Variants in DTNA observed in about 807,000 individuals in gnomAD.
The protein encoded by DTNA is dystrobrevin alpha, also known as dystrophin-related protein 3.
Under a neutral mutation model 100.7 loss-of-function variants are expected in DTNA, and 43 were observed. The ratio of observed to expected loss-of-function variants is 0.43; its 90% CI spans 0.33 to 0.55. The LOEUF (loss-of-function observed/expected upper bound fraction) is 0.55. Ranked by LOEUF, DTNA falls within the 20% of genes least tolerant of loss-of-function variation. The pLI is 0.04. For missense variants in DTNA, 798 were observed against 953.9 expected, an observed-to-expected ratio of 0.84 and a Z score of 2.15; for synonymous variants, 349 against 347.9, an observed-to-expected ratio of 1.00 and a Z score of -0.04.
intron 1 of DTNA, among the ~76,000 whole-genome samples, chr18:34,524,530 G>A (rs1451871055): frequency 6.6e-6 from 1 of 152,042 alleles, no homozygotes; most frequent in Non-Finnish European, 1.5e-5. Context: ...AACTTGGTAG[G>A]ATATCATCTG....
chr18:34,870,271 T>C (rs1460053982), intron 17 of DTNA, among the ~76,000 whole-genome samples: 5 of 152,230 alleles, frequency 3.3e-5, no homozygotes, highest in Admixed American at 2.6e-4. Flanking sequence ...TGTTTATAAC[T>C]GGATGGTCCA....
intron 3 of DTNA, among the ~76,000 whole-genome samples, chr18:34,790,158 A>G (rs572372635): frequency 9.2e-5 from 14 of 152,240 alleles, no homozygotes; most frequent in African/African-American, 2.6e-4. Context: ...CCAAGTTCCT[A>G]TGTGTAAGGA....
intron 1 of DTNA, among the ~76,000 whole-genome samples, chr18:34,723,876 G>A (rs2085954675): frequency 6.6e-6 from 1 of 151,832 alleles, no homozygotes; most frequent in South Asian, 2.1e-4. Flanking sequence ...TCCAGCCTAG[G>A]CAACAAGAGC....
chr18:34,587,353 A>C (rs1355329825), intron 1 of DTNA, among the ~76,000 whole-genome samples: 1 of 151,012 alleles, frequency 6.6e-6, no homozygotes, highest in African/African-American at 2.5e-5. Context: ...ACACTCCTGA[A>C]AAAATATGTT....
intron 1 of DTNA, among the ~76,000 whole-genome samples, chr18:34,719,722 C>T (rs542142076): frequency 1.8e-4 from 27 of 152,284 alleles, no homozygotes; most frequent in Non-Finnish European, 3.8e-4. Flanking sequence ...GAAATAGTAA[C>T]AAGATTTTTA....
intron 1 of DTNA, among the ~76,000 whole-genome samples, chr18:34,618,467 G>A (rs1308230746): frequency 6.6e-6 from 1 of 152,078 alleles, no homozygotes; most frequent in African/African-American, 2.4e-5. Context: ...CAAGCAAATG[G>A]AAGCATGTCC....
At chr18:34,762,265 A>C (rs1458780143) in intron 2 of DTNA, among the ~76,000 whole-genome samples, 1 of 152,214 alleles carries the variant, frequency 6.6e-6, no homozygotes, top group Non-Finnish European at 1.5e-5. Context: ...AATTTCAGCA[A>C]GATATTGACC....
chr18:34,553,497 G>T (rs2045682609), intron 1 of DTNA, among the ~76,000 whole-genome samples: 1 of 151,842 alleles, frequency 6.6e-6, no homozygotes, highest in South Asian at 2.1e-4. Context: ...TTCTTCTAGG[G>T]TTTTTATGGT....
At chr18:34,879,842 T>C (rs934728810) in intron 20 of DTNA, 123 bp downstream of exon 20, 2 of 1,263,754 alleles carry the variant, frequency 1.6e-6, no homozygotes, top group African/African-American at 1.5e-5. Context: ...CATAGTTTTC[T>C]GTTCTGCCAG....
chr18:34,706,900 A>C (rs564271595), upstream of DTNA, among the ~76,000 whole-genome samples: 3 of 152,270 alleles, frequency 2.0e-5, no homozygotes, highest in South Asian at 6.2e-4. Context: ...TGCTTGCAAA[A>C]ATTGTTCAGT....
At chr18:34,608,604 G>T (rs2147419914) in intron 1 of DTNA, among the ~76,000 whole-genome samples, 1 of 151,450 alleles carries the variant, frequency 6.6e-6, no homozygotes, top group East Asian at 1.9e-4. Flanking sequence ...ATGCCTCATG[G>T]GACTTATGAA....
At chr18:34,572,322 A>G (rs965953535) in intron 1 of DTNA, among the ~76,000 whole-genome samples, 1 of 152,252 alleles carries the variant, frequency 6.6e-6, no homozygotes, top group East Asian at 1.9e-4. Flanking sequence ...TGTGTATTAA[A>G]TGAGAATACT....
rs555793374 is a variant in DTNA at position 34,654,853 on chromosome 18, AGT to A, written c.-1-101122_-1-101121del. ...GCGATTCTCCTGCCTCAGCCTCCCA[AGT>A]AGCTGGGATTACAGGTGTGTGCCAC... On this transcript the variant is annotated intron_variant, in intron 1 of 19. Transcript: ENST00000283365. Among the ~76,000 whole-genome samples the A allele has an allele frequency of 5.6e-3, 853 of 152,110 alleles. 10 individuals carry two copies. The highest frequency in any genetic ancestry group is 6.4e-3 in the Non-Finnish European group (438 of 67,994).
intron 1 of DTNA, among the ~76,000 whole-genome samples, chr18:34,701,138 C>T (rs923345543): frequency 6.6e-6 from 1 of 152,264 alleles, no homozygotes; most frequent in Non-Finnish European, 1.5e-5. Flanking sequence ...CTTCATATTT[C>T]CTTTCAATTG....
intron 18 of DTNA, 51 bp from the exon 19 acceptor site, chr18:34,877,668 T>G: frequency 6.6e-7 from 1 of 1,526,156 alleles, no homozygotes; most frequent in Non-Finnish European, 9.0e-7. Flanking sequence ...ACATAAAAAT[T>G]TAGGATAGAA....
At chr18:34,636,183 T>G (rs2058650430) in intron 1 of DTNA, among the ~76,000 whole-genome samples, 1 of 152,252 alleles carries the variant, frequency 6.6e-6, no homozygotes, top group South Asian at 2.1e-4. Context: ...TCTCACTCTG[T>G]CACCCAGGCT....
At chr18:34,601,056 G>C (rs999622927) in intron 1 of DTNA, among the ~76,000 whole-genome samples, 2 of 152,134 alleles carry the variant, frequency 1.3e-5, no homozygotes, top group South Asian at 4.1e-4. Context: ...TAGCCCAGGA[G>C]GGTTTTTGGC....
At chr18:34,510,108 T>G (rs1407500737) in intron 1 of DTNA, among the ~76,000 whole-genome samples, 1 of 150,610 alleles carries the variant, frequency 6.6e-6, no homozygotes, top group Non-Finnish European at 1.5e-5. Flanking sequence ...TTTTGGTTGT[T>G]GTTGTTTTTT....
intron 1 of DTNA, among the ~76,000 whole-genome samples, chr18:34,533,365 C>T (rs2043345286): frequency 6.7e-6 from 1 of 148,814 alleles, no homozygotes; most frequent in South Asian, 2.1e-4. Flanking sequence ...GAGTGAAACT[C>T]CATCTCAAAA....
Sources: gnomAD v4.1 joint callset for allele counts (sites outside exome capture counted in the v4.1 genomes callset) on GRCh38, gnomAD v4.1.1 for gene constraint, MANE v1.5 for transcripts, NCBI Gene and HGNC (gene_info 2026-07-23, HGNC 2026-07-21) for gene names.